Variants in CDH23 observed in about 807,000 individuals in gnomAD.
CDH23 encodes cadherin-23.
A neutral mutation model predicts 317.1 loss-of-function variants in CDH23; 189 were observed. That is an observed-to-expected ratio of 0.60 (90% CI 0.53 to 0.67). The LOEUF is 0.67. Among genes scored for constraint, CDH23 ranks in the 30% least tolerant of loss-of-function variants. CDH23 has a pLI of 0.00. For synonymous variants in CDH23, 1,839 were observed against 1,876.8 expected (o/e 0.98, Z 0.52); for missense variants, 4,401 against 4,592.4 (o/e 0.96, Z 1.20).
chr10:71,548,169 G>A (rs1174092429), intron 6 of CDH23, among the ~76,000 whole-genome samples: 3 of 152,248 alleles, frequency 2.0e-5, no homozygotes, highest in Non-Finnish European at 4.4e-5. Flanking sequence ...GGGAGCCCAG[G>A]GGACAGGGCC....
At chr10:71,735,390 C>T (rs892834190) in intron 34 of CDH23, among the ~76,000 whole-genome samples, 1 of 152,138 alleles carries the variant, frequency 6.6e-6, no homozygotes, top group Non-Finnish European at 1.5e-5. Context: ...GAAGAGGCGG[C>T]CCGGCCTGAA....
intron 41 of CDH23, among the ~76,000 whole-genome samples, chr10:71,780,591 T>A (rs1253001722): frequency 6.6e-6 from 1 of 151,862 alleles, no homozygotes; most frequent in Non-Finnish European, 1.5e-5. Context: ...TAGGAAGAAA[T>A]GAGACCAGAG....
intron 3 of CDH23, among the ~76,000 whole-genome samples, chr10:71,458,903 T>C (rs1227545961): frequency 6.6e-6 from 1 of 152,160 alleles, no homozygotes; most frequent in South Asian, 2.1e-4. Context: ...TTCTTCTGCC[T>C]CAGCCTCCCA....
chr10:71,582,209 G>A (rs894246094), intron 9 of CDH23, among the ~76,000 whole-genome samples: 4 of 152,170 alleles, frequency 2.6e-5, no homozygotes, highest in East Asian at 1.9e-4. Context: ...CTCTGGAGCC[G>A]CTGTCCATGG....
intron 9 of CDH23, among the ~76,000 whole-genome samples, chr10:71,599,557 T>C (rs1424302523): frequency 6.6e-6 from 1 of 152,194 alleles, no homozygotes; most frequent in Non-Finnish European, 1.5e-5. Context: ...TAAGATAAGA[T>C]TGGCAAAATT....
chr10:71,715,729 G>T, intron 28 of CDH23: 1 of 440,952 alleles, frequency 2.3e-6, no homozygotes, highest in Non-Finnish European at 4.0e-6. Flanking sequence ...GCAGCAGCGA[G>T]GGGGTCTGCA....
rs568117604 is a variant in CDH23 at position 71,571,785 on chromosome 10, A to G, written c.753+867A>G. Among the ~76,000 whole-genome samples, 10 of 152,274 alleles carry G rather than the reference A, an allele frequency of 6.6e-5. No individual in the cohort carries two copies. In the South Asian group the frequency reaches 1.9e-3, roughly 28 times the overall value. On this transcript the variant is annotated intron_variant, in intron 8 of 69. Transcript: ENST00000224721. ...AAAATGAGCCCCTTCTTTTGAGAGA[A>G]CTCAGTGTGCTTAAAGGAAGGACTC...
chr10:71,459,353 C>T (rs372131521), intron 3 of CDH23, among the ~76,000 whole-genome samples: 13 of 152,222 alleles, frequency 8.5e-5, no homozygotes, highest in African/African-American at 3.1e-4. Flanking sequence ...TTTGGCCTCC[C>T]AAAGTGGGGG....
Position 71,798,514 on chromosome 10 carries a change from G to T in CDH23, c.6990G>T (p.Leu2330=), listed in dbSNP as rs111033495. ...ACCCTGACAAGGGCCTTAATGGGCT[G>T]GTCACCTACACCCTGCTGGACCTGG... ...AVDPDKGLNG[L]VTYTLLDLVP... Residue 2330 remains leucine (L), a synonymous_variant, in exon 50 of 70, where the codon CTG becomes CTT. Coordinates refer to ENST00000224721, the MANE Select transcript of CDH23 (RefSeq NM_022124.6). The T allele has an allele frequency of 1.0e-3, 1,640 of 1,613,912 alleles. 8 individuals are homozygous for T. In the African/African-American group the frequency reaches 0.019, roughly 19 times the overall value.
intron 55 of CDH23, 146 bp downstream of exon 55, chr10:71,803,566 T>C (rs1353418079): frequency 2.8e-6 from 2 of 708,760 alleles, no homozygotes; most frequent in Non-Finnish European, 4.6e-6. Context: ...TTTAATTAAA[T>C]AAAAGTTTGT....
chr10:71,471,685 C>T (rs1330594689), intron 3 of CDH23, among the ~76,000 whole-genome samples: 2 of 151,878 alleles, frequency 1.3e-5, no homozygotes, highest in East Asian at 3.9e-4. Flanking sequence ...CCTCTCTAAC[C>T]ATCCCACGCC....
chr10:71,539,193 G>A (rs954434490), intron 6 of CDH23, among the ~76,000 whole-genome samples: 2 of 152,172 alleles, frequency 1.3e-5, no homozygotes, highest in African/African-American at 2.4e-5. Context: ...CCACGCCGTA[G>A]CCCCTTTGCC....
chr10:71,802,836 C>T, intron 53 of CDH23, 62 bp from the exon 54 acceptor site: 2 of 1,568,820 alleles, frequency 1.3e-6, no homozygotes, highest in Non-Finnish European at 8.7e-7. Flanking sequence ...CCTGCATGAC[C>T]AGGTCCGCTG....
intron 38 of CDH23, among the ~76,000 whole-genome samples, chr10:71,753,219 G>A (rs997674677): frequency 1.6e-4 from 24 of 152,236 alleles, no homozygotes; most frequent in African/African-American, 5.5e-4. Flanking sequence ...CCATTTTGAC[G>A]ACTGATAAAT....
At chr10:71,706,042 T>C (rs1384252363) in intron 25 of CDH23, among the ~76,000 whole-genome samples, 1 of 152,118 alleles carries the variant, frequency 6.6e-6, no homozygotes, top group Non-Finnish European at 1.5e-5. Flanking sequence ...TATTGGCCGA[T>C]GATGGACAGG....
intron 38 of CDH23, among the ~76,000 whole-genome samples, chr10:71,743,618 C>T (rs781517257): frequency 2.0e-5 from 3 of 152,044 alleles, no homozygotes; most frequent in South Asian, 2.1e-4. Flanking sequence ...TTATAGGACA[C>T]GTGTCACTCA....
At chr10:71,677,240 C>T (rs550035711) in intron 15 of CDH23, among the ~76,000 whole-genome samples, 3 of 152,304 alleles carry the variant, frequency 2.0e-5, no homozygotes, top group Admixed American at 2.0e-4. Context: ...GGCAACTCCT[C>T]CTGCCCACCT....
chr10:71,477,785 A>G (rs1851869182), intron 3 of CDH23, among the ~76,000 whole-genome samples: 1 of 152,112 alleles, frequency 6.6e-6, no homozygotes, highest in Non-Finnish European at 1.5e-5. Context: ...CTAAGTCACT[A>G]GATCTTGCTG....
chr10:71,510,203 C>T lies in CDH23; in HGVS notation c.267C>T (p.Leu89=), dbSNP rs2132196314. The change falls in exon 4 of 70, where the codon CTC becomes CTT. Residue 89 remains leucine (L), a synonymous_variant. Transcript: ENST00000224721. ...AGCCTGACACTGGCGTGGTGTGGCT[C>T]CGGCAGCCACTGGACAGAGAGGTAT... The part of the protein sequence containing the change: ...AVEPDTGVVW[L]RQPLDRETKS... The T allele has an allele frequency of 6.2e-7, 1 of 1,613,774 alleles. No homozygotes were observed. The highest frequency in any genetic ancestry group is 8.5e-7 in the Non-Finnish European group (1 of 1,179,866).
Sources: allele counts gnomAD v4.1 joint callset (sites outside exome capture counted in the v4.1 genomes callset), GRCh38; gene constraint gnomAD v4.1.1; transcripts MANE v1.5; gene names NCBI Gene and HGNC (gene_info 2026-07-23, HGNC 2026-07-21).